The following WDR7 variants were observed in gnomAD, a reference collection of about 807,000 sequenced individuals.
The protein encoded by WDR7 is WD repeat-containing protein 7.
WDR7 carries 46 observed loss-of-function variants against 169.4 expected under a neutral mutation model. The observed-to-expected ratio is 0.27, with a 90% CI of 0.21 to 0.35. The LOEUF is 0.35. Among genes scored for constraint, WDR7 ranks in the 10% least tolerant of loss-of-function variants. WDR7 has a pLI of 1.00. For synonymous variants in WDR7, 612 were observed against 666.8 expected (o/e 0.92, Z 1.27); for missense variants, 1,534 against 1,859.3 (o/e 0.83, Z 3.22).
chr18:56,966,233 G>C (rs1054964810), intron 26 of WDR7, among the ~76,000 whole-genome samples: 2 of 152,122 alleles, frequency 1.3e-5, no homozygotes, highest in African/African-American at 4.8e-5. Flanking sequence ...GGTTTGGACT[G>C]TGTGGGTTCA....
At chr18:56,855,158 G>T (rs965926336) in intron 20 of WDR7, among the ~76,000 whole-genome samples, 2 of 151,938 alleles carry the variant, frequency 1.3e-5, no homozygotes, top group Non-Finnish European at 2.9e-5. Flanking sequence ...CCCTTGGTTT[G>T]CATTTCCCTT....
intron 21 of WDR7, among the ~76,000 whole-genome samples, chr18:56,887,667 AT>A (rs879564223): frequency 1.2e-3 from 173 of 146,574 alleles, no homozygotes; most frequent in Middle Eastern, 3.5e-3. Flanking sequence ...CCATTAACCT[AT>A]TTTTTTTTTT....
chr18:56,960,363 A>G (rs1213642052), intron 25 of WDR7, among the ~76,000 whole-genome samples: 2 of 152,182 alleles, frequency 1.3e-5, no homozygotes, highest in Admixed American at 6.5e-5. Flanking sequence ...TATCTTACCA[A>G]TGTATTGTTT....
intron 26 of WDR7, among the ~76,000 whole-genome samples, chr18:57,006,316 GTT>G (rs201264018): frequency 8.8e-5 from 13 of 148,516 alleles, no homozygotes; most frequent in African/African-American, 3.2e-4. Flanking sequence ...CATCAAAGCA[GTT>G]TTTTTTTTTT....
intron 21 of WDR7, among the ~76,000 whole-genome samples, chr18:56,912,318 T>C (rs912480375): frequency 4.6e-5 from 7 of 152,158 alleles, no homozygotes; most frequent in Admixed American, 1.3e-4. Context: ...GACACTCATA[T>C]CCATTTCATC....
chr18:56,967,695 G>C (rs1460398766), intron 26 of WDR7, among the ~76,000 whole-genome samples: 1 of 152,162 alleles, frequency 6.6e-6, no homozygotes. Context: ...CGTGAAGTTT[G>C]TACAGTCATC....
At chr18:56,737,552 A>C (rs1199704075) in intron 14 of WDR7, among the ~76,000 whole-genome samples, 1 of 152,100 alleles carries the variant, frequency 6.6e-6, no homozygotes, top group Non-Finnish European at 1.5e-5. Flanking sequence ...CATTTCTCTC[A>C]TGTTGTCTAA....
chr18:57,007,269 G>A (rs1336530631), intron 26 of WDR7, among the ~76,000 whole-genome samples: 1 of 152,162 alleles, frequency 6.6e-6, no homozygotes, highest in South Asian at 2.1e-4. Context: ...GTGAGCCACC[G>A]CTCCCGGCCT....
intron 25 of WDR7, among the ~76,000 whole-genome samples, chr18:56,952,405 A>T (rs1260779032): frequency 6.6e-6 from 1 of 152,250 alleles, no homozygotes; most frequent in Non-Finnish European, 1.5e-5. Context: ...ACTTACAAAT[A>T]TATGATTACC....
At chr18:56,937,986 C>G (rs1290284219) in intron 23 of WDR7, among the ~76,000 whole-genome samples, 2 of 152,102 alleles carry the variant, frequency 1.3e-5, no homozygotes, top group Non-Finnish European at 2.9e-5. Flanking sequence ...AAATCTATGT[C>G]CTATTCATTA....
In WDR7 at chr18:56,939,407, C is replaced by T; in HGVS notation, c.4064+14C>T. 6.5e-7 allele frequency: 1 copy of T among 1,531,140 alleles called. No individual in the cohort carries two copies. Among genetic ancestry groups the T allele is most frequent in the Non-Finnish European group, 8.8e-7 (1 of 1,137,648 alleles). The allele number at this position is 1,531,140 out of a possible 1,614,324, so 94.8% of individuals were successfully genotyped here. A position where few individuals can be genotyped will look rare whatever the true frequency, so the allele number is the denominator to read the frequency against. ...AGCCATCTGCAGGTAAAGAAGCCTT[C>T]AAGAGCATGCAGAATAAATAATTTT... On this transcript the variant is annotated intron_variant, in intron 25 of 27. Transcript: ENST00000254442.
chr18:56,684,353 A>G (rs1457368465), intron 5 of WDR7, among the ~76,000 whole-genome samples: 1 of 152,138 alleles, frequency 6.6e-6, no homozygotes, highest in African/African-American at 2.4e-5. Context: ...AGGGCCAGAT[A>G]TGAAATATTT....
intron 25 of WDR7, among the ~76,000 whole-genome samples, chr18:56,958,668 A>G (rs1324119987): frequency 6.6e-6 from 1 of 152,150 alleles, no homozygotes; most frequent in East Asian, 1.9e-4. Context: ...AACTTCTTGT[A>G]AATCTACAAT....
chr18:56,808,597 G>T (rs907396395), intron 19 of WDR7, among the ~76,000 whole-genome samples: 1 of 152,030 alleles, frequency 6.6e-6, no homozygotes, highest in South Asian at 2.1e-4. Flanking sequence ...GTTTTTACAT[G>T]TTACTATATT....
At chr18:56,778,181 C>G (rs942881196) in intron 17 of WDR7, among the ~76,000 whole-genome samples, 7 of 152,142 alleles carry the variant, frequency 4.6e-5, no homozygotes, top group Admixed American at 6.5e-5. Flanking sequence ...AGAATTTCCT[C>G]ACTGAAAGGA....
At chr18:56,774,435 T>C (rs967792588) in intron 16 of WDR7, among the ~76,000 whole-genome samples, 4 of 152,058 alleles carry the variant, frequency 2.6e-5, no homozygotes, top group African/African-American at 9.7e-5. Context: ...AATGGAACTG[T>C]GTTAATTTTG....
At chr18:56,988,867 A>G (rs1350948572) in intron 26 of WDR7, among the ~76,000 whole-genome samples, 1 of 152,112 alleles carries the variant, frequency 6.6e-6, no homozygotes, top group East Asian at 1.9e-4. Flanking sequence ...GGATGGAGAA[A>G]AATGTTAGTT....
chr18:56,718,895 G>A (rs1044088677), intron 13 of WDR7, among the ~76,000 whole-genome samples: 1 of 152,042 alleles, frequency 6.6e-6, no homozygotes, highest in Non-Finnish European at 1.5e-5. Flanking sequence ...GTTTTAAATA[G>A]CATTTTTTGA....
intron 20 of WDR7, among the ~76,000 whole-genome samples, chr18:56,853,636 G>A (rs1384524329): frequency 6.6e-6 from 1 of 152,146 alleles, no homozygotes; most frequent in Non-Finnish European, 1.5e-5. Context: ...GTGTGTTCTT[G>A]TCTTGTTACA....
Sources: gnomAD v4.1 joint callset for allele counts (sites outside exome capture counted in the v4.1 genomes callset) on GRCh38, gnomAD v4.1.1 for gene constraint, MANE v1.5 for transcripts, NCBI Gene and HGNC (gene_info 2026-07-23, HGNC 2026-07-21) for gene names.